Variants in PLCB4 observed in about 807,000 individuals in gnomAD.
The protein encoded by PLCB4 is 1-phosphatidylinositol 4,5-bisphosphate phosphodiesterase beta-4.
A neutral mutation model predicts 178.8 loss-of-function variants in PLCB4; 77 were observed. That is an observed-to-expected ratio of 0.43 (90% confidence interval 0.36 to 0.52). The LOEUF (loss-of-function observed/expected upper bound fraction) is 0.52. PLCB4 is among the 20% of genes least tolerant of loss of function. The pLI is 0.00. For missense variants in PLCB4, 1,024 were observed against 1,453.4 expected (o/e 0.70, Z 4.80); for synonymous variants, 496 against 490.8 (o/e 1.01, Z -0.14).
chr20:9,185,024 G>A (rs1224175248), intron 2 of PLCB4, among the ~76,000 whole-genome samples: 1 of 152,222 alleles, frequency 6.6e-6, no homozygotes, highest in African/African-American at 2.4e-5. Flanking sequence ...CTGGGCTCAA[G>A]CCATCCTTCT....
intron 2 of PLCB4, among the ~76,000 whole-genome samples, chr20:9,127,049 G>A (rs1016674190): frequency 6.6e-6 from 1 of 152,052 alleles, no homozygotes; most frequent in Admixed American, 6.6e-5. Flanking sequence ...AGCTAGATGG[G>A]AATTACTTTC....
At chr20:9,168,430 A>G (rs1401455014) in intron 2 of PLCB4, among the ~76,000 whole-genome samples, 1 of 152,194 alleles carries the variant, frequency 6.6e-6, no homozygotes, top group African/African-American at 2.4e-5. Flanking sequence ...AGAAGACCCA[A>G]GTAATTGAGA....
chr20:9,347,198 G>A (rs1347543518), intron 7 of PLCB4, among the ~76,000 whole-genome samples: 1 of 152,152 alleles, frequency 6.6e-6, no homozygotes, highest in Non-Finnish European at 1.5e-5. Context: ...GCAAGTTGGA[G>A]TGCACATACG....
At chr20:9,343,633 A>C (rs1452694661) in intron 7 of PLCB4, among the ~76,000 whole-genome samples, 1 of 152,168 alleles carries the variant, frequency 6.6e-6, no homozygotes, top group East Asian at 1.9e-4. Context: ...CTGCTTTGAG[A>C]GTAAATACGT....
chr20:9,341,212 G>A (rs1161407774), intron 7 of PLCB4, among the ~76,000 whole-genome samples: 2 of 152,066 alleles, frequency 1.3e-5, no homozygotes, highest in Admixed American at 1.3e-4. Flanking sequence ...TAAGAACCAC[G>A]TTCTGAAACA....
At chr20:9,331,731 C>T (rs1022708247) in intron 4 of PLCB4, among the ~76,000 whole-genome samples, 12 of 152,138 alleles carry the variant, frequency 7.9e-5, no homozygotes, top group Admixed American at 2.6e-4. Context: ...GTTGAAACAG[C>T]ATGTGTGAGG....
chr20:9,434,735 A>G (rs1416017864), intron 28 of PLCB4, among the ~76,000 whole-genome samples: 2 of 152,142 alleles, frequency 1.3e-5, no homozygotes, highest in African/African-American at 4.8e-5. Flanking sequence ...ATTGAAACCT[A>G]GAGAATTATG....
chr20:9,475,947 A>G (rs1568923029), intron 38 of PLCB4, among the ~76,000 whole-genome samples: 1 of 152,238 alleles, frequency 6.6e-6, no homozygotes, highest in South Asian at 2.1e-4. Context: ...AATCTTCTAA[A>G]TAATTGTTAA....
chr20:9,382,415 T>C (rs2037219371), intron 13 of PLCB4, among the ~76,000 whole-genome samples: 1 of 152,162 alleles, frequency 6.6e-6, no homozygotes. Context: ...TCCAAAGGCT[T>C]CCCAACACAT....
chr20:9,450,230 GGACCAAAAGAAT>G (rs2042669818), intron 32 of PLCB4, among the ~76,000 whole-genome samples: 1 of 152,156 alleles, frequency 6.6e-6, no homozygotes. Context: ...ATTTAACTAA[GGACCAAAAGAAT>G]AAAACCAATA....
chr20:9,362,126 C>T (rs917165093), intron 7 of PLCB4, among the ~76,000 whole-genome samples: 5 of 152,276 alleles, frequency 3.3e-5, no homozygotes, highest in South Asian at 2.1e-4. Context: ...CAATTTGCTA[C>T]GAAGTGTTTT....
intron 2 of PLCB4, among the ~76,000 whole-genome samples, chr20:9,196,502 G>A (rs1272926033): frequency 5.3e-5 from 8 of 152,152 alleles, no homozygotes; most frequent in Non-Finnish European, 1.5e-5. Flanking sequence ...GCTGGTTTCT[G>A]TTCCTAGAGG....
chr20:9,112,072 C>T (rs980363661), intron 2 of PLCB4, among the ~76,000 whole-genome samples: 1 of 152,060 alleles, frequency 6.6e-6, no homozygotes. Context: ...AGTCCCTTTA[C>T]CTGTGCTTTA....
chr20:9,334,288 T>G (rs138457475), intron 4 of PLCB4, among the ~76,000 whole-genome samples: 97 of 152,224 alleles, frequency 6.4e-4, no homozygotes, highest in African/African-American at 2.1e-3. Flanking sequence ...TTTTGCAGCA[T>G]GCTGGACTGG....
At chr20:9,150,825 C>G (rs183941628) in intron 2 of PLCB4, among the ~76,000 whole-genome samples, 1 of 152,292 alleles carries the variant, frequency 6.6e-6, no homozygotes, top group African/African-American at 2.4e-5. Context: ...GAAAATAACT[C>G]TAGCAAAGTG....
At chr20:9,233,569 T>G (rs2093957932) in intron 3 of PLCB4, among the ~76,000 whole-genome samples, 1 of 152,192 alleles carries the variant, frequency 6.6e-6, no homozygotes, top group Admixed American at 6.6e-5. Context: ...AAGAAGATTG[T>G]ACTATGAAGG....
At chr20:9,437,223 T>A in intron 30 of PLCB4, 71 bp downstream of exon 30, 2 of 1,325,058 alleles carry the variant, frequency 1.5e-6, no homozygotes, top group South Asian at 2.8e-5. Context: ...TATCTATAGC[T>A]TTAGGAAATA....
rs143225778 is a variant in PLCB4 at position 9,338,978 on chromosome 20, A to G, written c.310A>G (p.Thr104Ala). Residue 104 changes from threonine (T) to alanine (A), a missense_variant, in exon 7 of 40, where the codon ACA becomes GCA. By Grantham distance (58) the Thr-to-Ala change is moderately conservative. This residue lies in a region of PLCB4 where 225 missense variants were observed against 291.0 expected (regional missense o/e 0.77). Transcript: ENST00000378473. ...GCGGATAGTTTGTGTCTGCAGTGGC[A>G]CAGATCTAGTGAACATTAGTTTTAC... ...EGRIVCVCSGTDLVNISFTYM... is the reference protein window; with the variant it reads ...EGRIVCVCSGADLVNISFTYM... 9.3e-5 allele frequency: 150 copies of G among 1,613,338 alleles called. No homozygotes were observed. The highest frequency in any genetic ancestry group is 1.3e-4 in the African/African-American group (10 of 74,894).
chr20:9,420,012 C>T (rs1385662973), intron 26 of PLCB4, 103 bp downstream of exon 26: 4 of 658,070 alleles, frequency 6.1e-6, no homozygotes, highest in African/African-American at 1.8e-5. Flanking sequence ...CCATGTGCTG[C>T]TCACAACTTT....
Sources: allele counts gnomAD v4.1 joint callset (sites outside exome capture counted in the v4.1 genomes callset), GRCh38; gene constraint gnomAD v4.1.1; regional missense constraint gnomAD v4.1.1; transcripts MANE v1.5; gene names NCBI Gene and HGNC (gene_info 2026-07-23, HGNC 2026-07-21).